Variants in BCAR3 observed in about 807,000 individuals in gnomAD.
The protein encoded by BCAR3 is breast cancer anti-estrogen resistance protein 3.
A neutral mutation model predicts 80.1 loss-of-function variants in BCAR3; 37 were observed. The ratio of observed to expected loss-of-function variants is 0.46; its 90% confidence interval spans 0.36 to 0.61. BCAR3 has a LOEUF of 0.61. Ranked by LOEUF, BCAR3 falls within the 20% of genes least tolerant of loss-of-function variation. The pLI is 0.00. For missense variants in BCAR3, 978 were observed against 1,068.2 expected, an observed-to-expected ratio of 0.92 and a Z score of 1.18; for synonymous variants, 389 against 418.9, an observed-to-expected ratio of 0.93 and a Z score of 0.87.
At chr1:93,744,136 G>A (rs936499977) in intron 2 of BCAR3, among the ~76,000 whole-genome samples, 5 of 152,192 alleles carry the variant, frequency 3.3e-5, no homozygotes, top group African/African-American at 1.2e-4. Flanking sequence ...CAATGGCCCT[G>A]TTAGGTAAGC....
At chr1:93,596,623 C>T (rs570031464) in intron 3 of BCAR3, among the ~76,000 whole-genome samples, 1 of 152,304 alleles carries the variant, frequency 6.6e-6, no homozygotes, top group South Asian at 2.1e-4. Flanking sequence ...GAGAGCAAGA[C>T]AACTTGTGAA....
At chr1:93,628,308 C>G (rs944330336) in intron 3 of BCAR3, among the ~76,000 whole-genome samples, 3 of 152,286 alleles carry the variant, frequency 2.0e-5, no homozygotes, top group Non-Finnish European at 2.9e-5. Flanking sequence ...CATCTCTCAT[C>G]TGGACAATCA....
At chr1:93,646,110 T>A (rs1381772603) in intron 2 of BCAR3, among the ~76,000 whole-genome samples, 2 of 152,184 alleles carry the variant, frequency 1.3e-5, no homozygotes, top group Admixed American at 6.5e-5. Context: ...GCTTAAAAAA[T>A]ATATAAAAGC....
chr1:93,579,898 C>T (rs1673629254), intron 7 of BCAR3, among the ~76,000 whole-genome samples: 1 of 152,246 alleles, frequency 6.6e-6, no homozygotes, highest in South Asian at 2.1e-4. Context: ...CTCAATCCTC[C>T]TACCTCCCAA....
intron 2 of BCAR3, among the ~76,000 whole-genome samples, chr1:93,772,857 G>A (rs1053200995): frequency 6.6e-6 from 1 of 152,148 alleles, no homozygotes; most frequent in African/African-American, 2.4e-5. Flanking sequence ...GCCCACCTCA[G>A]CCTCCCAAAG....
chr1:93,783,230 T>C (rs1176490339), intron 2 of BCAR3, among the ~76,000 whole-genome samples: 3 of 152,214 alleles, frequency 2.0e-5, no homozygotes, highest in African/African-American at 4.8e-5. Flanking sequence ...CTCAGCACTA[T>C]TGACATGTTG....
At position 93,710,747 on chromosome 1, in the gene BCAR3, G is replaced by A. The variant is rs74992764; in HGVS notation, c.-62-4605C>T. Among the ~76,000 whole-genome samples the A allele has an allele frequency of 6.3e-3, 959 of 152,228 alleles. 16 individuals carry two copies. Among genetic ancestry groups the A allele is most frequent in the African/African-American group, 0.022 (930 of 41,546 alleles). On this transcript the variant is annotated intron_variant, in intron 2 of 13. Transcript: ENST00000370244. ...CCTCCCCCTGCTTTATCTAGCTAAC[G>A]CTTTTTGTCAGTTATCTTTTCTGGC...
intron 2 of BCAR3, among the ~76,000 whole-genome samples, chr1:93,719,006 T>A (rs1342223245): frequency 6.6e-6 from 1 of 151,956 alleles, no homozygotes; most frequent in Non-Finnish European, 1.5e-5. Context: ...CCAGCTGAAG[T>A]ATATTCAAAA....
chr1:93,841,170 C>T (rs570021776), intron 2 of BCAR3, among the ~76,000 whole-genome samples: 1 of 152,324 alleles, frequency 6.6e-6, no homozygotes, highest in South Asian at 2.1e-4. Context: ...CTTAGCCTTG[C>T]ATTTGAAGCG....
chr1:93,661,573 T>A (rs536058018), intron 2 of BCAR3, among the ~76,000 whole-genome samples: 46 of 151,182 alleles, frequency 3.0e-4, no homozygotes, highest in African/African-American at 1.1e-3. Context: ...CTGCAACCTC[T>A]GCCTCCCGAG....
chr1:93,646,103 TA>T (rs1293801159), intron 2 of BCAR3, among the ~76,000 whole-genome samples: 17 of 152,180 alleles, frequency 1.1e-4, no homozygotes, highest in Admixed American at 9.2e-4. Flanking sequence ...TTAATTGGCT[TA>T]AAAAATATAT....
At chr1:93,790,175 T>C (rs577581208) in intron 2 of BCAR3, among the ~76,000 whole-genome samples, 7 of 152,236 alleles carry the variant, frequency 4.6e-5, no homozygotes, top group Admixed American at 2.0e-4. Flanking sequence ...AACAGAAATA[T>C]TAGAAAAATA....
intron 2 of BCAR3, 57 bp downstream of exon 2, chr1:93,674,557 C>T: frequency 6.4e-7 from 1 of 1,574,074 alleles, no homozygotes; most frequent in Non-Finnish European, 8.6e-7. Context: ...GCCATAAAAA[C>T]CTTTTAAAAA....
intron 2 of BCAR3, among the ~76,000 whole-genome samples, chr1:93,643,249 C>A (rs576322407): frequency 7.0e-6 from 1 of 143,758 alleles, no homozygotes; most frequent in Non-Finnish European, 1.5e-5. Flanking sequence ...AGAGGCCAGG[C>A]GTGGTGGCTC....
intron 2 of BCAR3, among the ~76,000 whole-genome samples, chr1:93,735,502 T>G (rs79117505): frequency 0.059 from 9,030 of 152,258 alleles, 418 homozygotes; most frequent in African/African-American, 0.13. Context: ...TAAAATGTGC[T>G]CCACATGAAA....
At chr1:93,764,316 C>T (rs919123398) in intron 2 of BCAR3, among the ~76,000 whole-genome samples, 1 of 152,070 alleles carries the variant, frequency 6.6e-6, no homozygotes, top group Non-Finnish European at 1.5e-5. Flanking sequence ...TAGGCCCCTC[C>T]CATTCAGCCA....
At chr1:93,583,244 G>A (rs1673792975) in intron 6 of BCAR3, among the ~76,000 whole-genome samples, 1 of 152,168 alleles carries the variant, frequency 6.6e-6, no homozygotes, top group Admixed American at 6.5e-5. Flanking sequence ...AGAAGGCTGG[G>A]ACAGTCAGAA....
chr1:93,726,249 T>G (rs925758864), intron 2 of BCAR3, among the ~76,000 whole-genome samples: 3 of 152,032 alleles, frequency 2.0e-5, no homozygotes, highest in Non-Finnish European at 2.9e-5. Flanking sequence ...ATATTTTTTT[T>G]TGAGAGAGAG....
chr1:93,660,377 T>C (rs886869963), intron 2 of BCAR3, among the ~76,000 whole-genome samples: 3 of 152,284 alleles, frequency 2.0e-5, no homozygotes, highest in East Asian at 1.9e-4. Context: ...GCTGATCTTG[T>C]TGAAAATGAA....
Sources: gnomAD v4.1 joint callset for allele counts (sites outside exome capture counted in the v4.1 genomes callset) on GRCh38, gnomAD v4.1.1 for gene constraint, MANE v1.5 for transcripts, NCBI Gene and HGNC (gene_info 2026-07-23, HGNC 2026-07-21) for gene names.